The following ERICH6B variants were observed in gnomAD, a reference collection of about 807,000 sequenced individuals.
The protein encoded by ERICH6B is glutamate rich 6B.
Under a neutral mutation model 80.0 loss-of-function variants are expected in ERICH6B, and 69 were observed. That is an observed-to-expected ratio of 0.86 (90% CI 0.71 to 1.05). The LOEUF (loss-of-function observed/expected upper bound fraction) is 1.05, where lower values mean the gene tolerates loss of function less well. Among genes scored for constraint, ERICH6B ranks in the 50% least tolerant of loss-of-function variants. The probability of loss-of-function intolerance (pLI) is 0.00; values close to 1 mark genes in which losing one functional copy is unlikely to be tolerated. For synonymous variants in ERICH6B, 283 were observed against 291.9 expected (o/e 0.97, Z 0.31); for missense variants, 754 against 796.1 (o/e 0.95, Z 0.64).
chr13:45,590,291 C>A (rs796792975), intron 4 of ERICH6B, among the ~76,000 whole-genome samples: 1 of 152,016 alleles, frequency 6.6e-6, no homozygotes, highest in East Asian at 1.9e-4. Context: ...TATTCTCTTC[C>A]GGGACAGACT....
intron 3 of ERICH6B, among the ~76,000 whole-genome samples, chr13:45,595,211 G>T (rs973308467): frequency 6.6e-6 from 1 of 152,134 alleles, no homozygotes; most frequent in Non-Finnish European, 1.5e-5. Flanking sequence ...CTCTGATAAA[G>T]CAGTTCACCA....
intron 5 of ERICH6B, 24 bp from the exon 6 acceptor site, chr13:45,580,689 G>A (rs1427112483): frequency 6.5e-7 from 1 of 1,550,136 alleles, no homozygotes; most frequent in East Asian, 2.4e-5. Context: ...GAAGAGGGTG[G>A]CTATTAATGA....
intron 3 of ERICH6B, among the ~76,000 whole-genome samples, chr13:45,595,850 G>T (rs1373904749): frequency 6.6e-6 from 1 of 151,916 alleles, no homozygotes. Flanking sequence ...TGGCTATGTT[G>T]CCCAGGCTGG....
intron 11 of ERICH6B, among the ~76,000 whole-genome samples, chr13:45,560,526 A>G (rs1184217205): frequency 6.6e-6 from 1 of 152,232 alleles, no homozygotes; most frequent in African/African-American, 2.4e-5. Flanking sequence ...CATTCTGTGG[A>G]TTTGGACGAA....
chr13:45,544,886 AG>A lies in ERICH6B; in HGVS notation c.1745del (p.Pro582LeufsTer7), dbSNP rs1177618359. On this transcript the variant is annotated frameshift_variant, in exon 14 of 15. Coordinates refer to ENST00000298738, the MANE Select transcript of ERICH6B (RefSeq NM_182542.3). LOFTEE classifies it high-confidence loss of function. ...TGATTTTCAAGGAGATGGGCTGGAC[AG>A]GGGGTGCGTGGACATGGATGTTCAG... ...WNLNIHVHAP[P>X]VQPISLKINE... The A allele has an allele frequency of 6.4e-7, 1 of 1,551,596 alleles. No homozygotes were observed. The highest frequency in any genetic ancestry group is 2.4e-5 in the East Asian group (1 of 40,932).
intron 8 of ERICH6B, among the ~76,000 whole-genome samples, chr13:45,574,150 G>A (rs978027442): frequency 1.3e-5 from 2 of 152,096 alleles, no homozygotes; most frequent in Admixed American, 1.3e-4. Flanking sequence ...AGAGACACAA[G>A]ATTTCATTTT....
intron 11 of ERICH6B, among the ~76,000 whole-genome samples, chr13:45,558,523 G>T (rs971158655): frequency 6.6e-6 from 1 of 152,156 alleles, no homozygotes; most frequent in African/African-American, 2.4e-5. Context: ...TTCTCAGAGG[G>T]AATGCTTTCA....
chr13:45,611,714 T>G (rs1396338551), intron 1 of ERICH6B, among the ~76,000 whole-genome samples: 1 of 152,212 alleles, frequency 6.6e-6, no homozygotes, highest in Non-Finnish European at 1.5e-5. Flanking sequence ...AGTGATGACC[T>G]TGGCTTTCCA....
At chr13:45,600,980 C>T (rs1268072400) in intron 2 of ERICH6B, among the ~76,000 whole-genome samples, 1 of 152,180 alleles carries the variant, frequency 6.6e-6, no homozygotes, top group Non-Finnish European at 1.5e-5. Flanking sequence ...TCCTTGTTAC[C>T]TGATCAGATT....
intron 11 of ERICH6B, among the ~76,000 whole-genome samples, chr13:45,559,672 G>A (rs1874586078): frequency 6.6e-6 from 1 of 152,020 alleles, no homozygotes; most frequent in African/African-American, 2.4e-5. Flanking sequence ...TTCAGGAGCA[G>A]GTTATTTAAT....
At chr13:45,576,846 G>C (rs1875427632) in intron 7 of ERICH6B, among the ~76,000 whole-genome samples, 1 of 152,174 alleles carries the variant, frequency 6.6e-6, no homozygotes, top group Non-Finnish European at 1.5e-5. Flanking sequence ...TAATAATTAA[G>C]CTTATTAACG....
chr13:45,558,627 G>C (rs1272156597), intron 11 of ERICH6B, among the ~76,000 whole-genome samples: 1 of 152,160 alleles, frequency 6.6e-6, no homozygotes, highest in Non-Finnish European at 1.5e-5. Flanking sequence ...ATTTTGCTGA[G>C]AGTTTTAATT....
At chr13:45,542,756 G>A (rs1286993453) in intron 14 of ERICH6B, among the ~76,000 whole-genome samples, 1 of 152,232 alleles carries the variant, frequency 6.6e-6, no homozygotes, top group East Asian at 1.9e-4. Flanking sequence ...TCCAGGATAG[G>A]CAAGGATGCT....
At chr13:45,545,514 T>G (rs936932486) in intron 13 of ERICH6B, among the ~76,000 whole-genome samples, 1 of 152,262 alleles carries the variant, frequency 6.6e-6, no homozygotes, top group African/African-American at 2.4e-5. Flanking sequence ...AGGGGAAATA[T>G]GCACACAGAC....
At chr13:45,545,132 C>A (rs1404699815) in intron 13 of ERICH6B, 147 bp from the exon 14 acceptor site, 2 of 677,126 alleles carry the variant, frequency 3.0e-6, no homozygotes, top group East Asian at 5.4e-5. Context: ...ACATGGACAA[C>A]CAACCCAACA....
chr13:45,541,632 C>T lies in ERICH6B; in HGVS notation c.1921G>A (p.Glu641Lys). ...LSEMKKKTIL[E>K]AEPGPTAQKI... ...TGGGCTGTTGGGCCGGGTTCTGCCTCCAGGATGGTTTTCTTCTTCATTTCG... is the reference window on the plus strand; with the variant it reads ...TGGGCTGTTGGGCCGGGTTCTGCCTTCAGGATGGTTTTCTTCTTCATTTCG... The change falls in exon 15 of 15, where the codon GAG becomes AAG. Residue 641 changes from glutamate (E) to lysine (K), a missense_variant. Physicochemically the swap from Glu to Lys is moderately conservative, Grantham distance 56. Transcript: ENST00000298738. 6.4e-7 allele frequency: 1 copy of T among 1,551,402 alleles called. No homozygotes were observed. Among genetic ancestry groups the T allele is most frequent in the Non-Finnish European group, 8.7e-7 (1 of 1,147,010 alleles).
intron 2 of ERICH6B, among the ~76,000 whole-genome samples, chr13:45,600,734 C>T (rs868255605): frequency 2.6e-4 from 39 of 152,292 alleles, no homozygotes; most frequent in Admixed American, 1.1e-3. Flanking sequence ...GCCACATTTT[C>T]TTTGATCATC....
rs558430014 is a variant in ERICH6B at position 45,551,311 on chromosome 13, C to T, written c.1408-995G>A. ...TATCAATTTCTGCTTATATCATTAT[C>T]GTTTATATCCTCTACTTTCTGTGGG... On this transcript the variant is annotated intron_variant, in intron 11 of 14. Transcript: ENST00000298738. 3.3e-4 allele frequency among the ~76,000 whole-genome samples: 50 copies of T among 152,194 alleles called. 1 individual carries two copies. The highest frequency in any genetic ancestry group is 3.0e-3 in the Admixed American group (46 of 15,284).
intron 2 of ERICH6B, among the ~76,000 whole-genome samples, chr13:45,601,960 T>G (rs1343855589): frequency 6.6e-6 from 1 of 152,224 alleles, no homozygotes; most frequent in East Asian, 1.9e-4. Flanking sequence ...TATTGCACAC[T>G]TATTCCTAAC....
Sources: allele counts gnomAD v4.1 joint callset (sites outside exome capture counted in the v4.1 genomes callset), GRCh38; gene constraint gnomAD v4.1.1; transcripts MANE v1.5; gene names NCBI Gene and HGNC (gene_info 2026-07-23, HGNC 2026-07-21).